The following SLC35H1 variants were observed in gnomAD, a reference collection of about 807,000 sequenced individuals.
SLC35H1 encodes ovarian cancer-overexpressed gene 1 protein.
chr20:46,356,511 C>T, the SLC35H1 span: 35 of 1,562,154 alleles, frequency 2.2e-5, no homozygotes, highest in East Asian at 7.0e-4. Flanking sequence ...TGTGCAGACA[C>T]CCCGCTGGAC....
chr20:46,356,604 T>C, the SLC35H1 span: 6 of 1,613,990 alleles, frequency 3.7e-6, no homozygotes, highest in African/African-American at 5.3e-5. Flanking sequence ...GAAGCTCCAG[T>C]TGGACAAGCC....
At chr20:46,356,691 G>T in the SLC35H1 span, 1 of 1,557,972 alleles carries the variant, frequency 6.4e-7, no homozygotes, top group Non-Finnish European at 8.8e-7. Flanking sequence ...ACTCTGCTGG[G>T]GTGGGCTGGT....
chr20:46,355,953 A>G, the SLC35H1 span: 3 of 1,590,900 alleles, frequency 1.9e-6, no homozygotes, highest in Non-Finnish European at 2.6e-6. This position sits in a 1 kb window ranked among gnomAD's most constrained non-coding sequence, Gnocchi z 4.8. Flanking sequence ...AGGAGCACAA[A>G]TCACTGAGCG....
chr20:46,358,375 GCCT>G, the SLC35H1 span: 5,275 of 1,612,506 alleles, frequency 3.3e-3, 128 homozygotes, highest in African/African-American at 0.061. Context: ...CCCCAGCAAG[GCCT>G]CCTGGTACCT....
chr20:46,358,647 C>T, the SLC35H1 span: 1 of 1,554,626 alleles, frequency 6.4e-7, no homozygotes, highest in Admixed American at 2.0e-5. Flanking sequence ...CTCTGCAGCT[C>T]CATGATTCGG....
the SLC35H1 span, chr20:46,358,574 C>T: frequency 2.9e-5 from 47 of 1,611,774 alleles, no homozygotes; most frequent in Non-Finnish European, 3.8e-5. Context: ...ATACAATGTG[C>T]AGGAAGAGCC....
At chr20:46,357,128 C>T in the SLC35H1 span, among the ~76,000 whole-genome samples, 1 of 152,246 alleles carries the variant, frequency 6.6e-6, no homozygotes, top group East Asian at 1.9e-4. Flanking sequence ...CTCCCTCGGG[C>T]CACGAGGGCC....
the SLC35H1 span, chr20:46,358,325 C>A: frequency 6.9e-7 from 1 of 1,452,042 alleles, no homozygotes; most frequent in Non-Finnish European, 9.7e-7. Flanking sequence ...ATGAAGGGCA[C>A]CGTAGCCATG....
chr20:46,353,634 A>AT, the SLC35H1 span, among the ~76,000 whole-genome samples: 1 of 152,226 alleles, frequency 6.6e-6, no homozygotes, highest in Non-Finnish European at 1.5e-5. Context: ...ATTGAAGGGA[A>AT]TTCGGGGAAG....
At chr20:46,356,387 G>A in the SLC35H1 span, among the ~76,000 whole-genome samples, 1 of 152,312 alleles carries the variant, frequency 6.6e-6, no homozygotes, top group Non-Finnish European at 1.5e-5. Context: ...TCTCCTCTGC[G>A]CTGGGCTTAC....
the SLC35H1 span, chr20:46,357,799 C>G: frequency 1.2e-6 from 2 of 1,612,932 alleles, no homozygotes; most frequent in Non-Finnish European, 1.7e-6. Flanking sequence ...AGCAGACACC[C>G]CGGCTTGGTT....
At chr20:46,360,665 C>A in the SLC35H1 span, among the ~76,000 whole-genome samples, 3 of 152,116 alleles carry the variant, frequency 2.0e-5, no homozygotes, top group Non-Finnish European at 4.4e-5. Context: ...CTGCCTCAGG[C>A]TCCCTAGTAG....
chr20:46,346,852 C>T, the SLC35H1 span: 9 of 148,766 alleles, frequency 6.0e-5, no homozygotes. Flanking sequence ...TGCCATTGCA[C>T]TCCAGCCTGG....
chr20:46,362,177 A>G, the SLC35H1 span, among the ~76,000 whole-genome samples: 1 of 152,342 alleles, frequency 6.6e-6, no homozygotes, highest in East Asian at 1.9e-4. Context: ...ATGAGCATTT[A>G]TCAAGCACTC....
the SLC35H1 span, chr20:46,357,825 C>G: frequency 1.0e-5 from 16 of 1,597,876 alleles, no homozygotes; most frequent in Admixed American, 1.9e-4. Context: ...AGCCTGCCCC[C>G]CACCGGCTCC....
chr20:46,350,536 G>C, the SLC35H1 span: 5 of 1,579,064 alleles, frequency 3.2e-6, no homozygotes, highest in Middle Eastern at 5.1e-4. Context: ...TTGGGATAGA[G>C]AGAGACCACA....
At chr20:46,352,235 A>G in the SLC35H1 span, 1 of 1,613,844 alleles carries the variant, frequency 6.2e-7, no homozygotes, top group Non-Finnish European at 8.5e-7. Flanking sequence ...ACCTGAAAGC[A>G]ACAGGGAGAG....
At chr20:46,356,501 T>C in the SLC35H1 span, 2 of 1,459,434 alleles carry the variant, frequency 1.4e-6, no homozygotes, top group Non-Finnish European at 1.9e-6. Flanking sequence ...AGCAGCCGGG[T>C]GTGCAGACAC....
At chr20:46,363,714 T>C in the SLC35H1 span, among the ~76,000 whole-genome samples, 13 of 152,180 alleles carry the variant, frequency 8.5e-5, no homozygotes, top group African/African-American at 2.7e-4. Flanking sequence ...CTGTTTCCTC[T>C]TTCGCCCCTA....
Sources: gnomAD v4.1 joint callset for allele counts (sites outside exome capture counted in the v4.1 genomes callset) on GRCh38, gnomAD v4.1.1 for gene constraint, Gnocchi (gnomAD v3.1) non-coding constraint, MANE v1.5 for transcripts, NCBI Gene and HGNC (gene_info 2026-07-23, HGNC 2026-07-21) for gene names.